ZEB1: variants seen among roughly 807,000 people sequenced by gnomAD.
ZEB1 encodes the protein zinc finger E-box-binding homeobox 1.
ZEB1 carries 21 observed loss-of-function variants against 84.9 expected under a neutral mutation model. The ratio of observed to expected loss-of-function variants is 0.25; its 90% CI spans 0.18 to 0.36. The LOEUF (loss-of-function observed/expected upper bound fraction) is 0.36, where lower values mean the gene tolerates loss of function less well. Among genes scored for constraint, ZEB1 ranks in the 10% least tolerant of loss-of-function variants. ZEB1 has a pLI of 1.00. For missense variants in ZEB1, 1,104 were observed against 1,330.2 expected (o/e 0.83, Z 2.65); for synonymous variants, 420 against 471.1 (o/e 0.89, Z 1.41).
intron 2 of ZEB1, among the ~76,000 whole-genome samples, chr10:31,470,216 C>A (rs1358552895): frequency 6.6e-6 from 1 of 152,032 alleles, no homozygotes; most frequent in Non-Finnish European, 1.5e-5. Context: ...GGACGGAGAA[C>A]GACTTTGACG....
intron 1 of ZEB1, among the ~76,000 whole-genome samples, chr10:31,418,579 G>A (rs1013245235): frequency 6.6e-6 from 1 of 152,068 alleles, no homozygotes; most frequent in Admixed American, 6.6e-5. Flanking sequence ...TGTTGTTTAA[G>A]GTTTATTTTG....
At chr10:31,367,827 G>T (rs1173223536) in intron 1 of ZEB1, among the ~76,000 whole-genome samples, 1 of 151,972 alleles carries the variant, frequency 6.6e-6, no homozygotes, top group Non-Finnish European at 1.5e-5. Context: ...CTTGCTTTTA[G>T]GAAGCCTGTC....
intron 1 of ZEB1, among the ~76,000 whole-genome samples, chr10:31,437,040 G>A (rs187872483): frequency 2.6e-5 from 4 of 152,086 alleles, no homozygotes; most frequent in Non-Finnish European, 5.9e-5. Context: ...AAAACATCAG[G>A]ATTTTTTGGT....
At chr10:31,494,807 A>G (rs2066998117) in intron 2 of ZEB1, among the ~76,000 whole-genome samples, 1 of 152,088 alleles carries the variant, frequency 6.6e-6, no homozygotes, top group East Asian at 1.9e-4. Flanking sequence ...TTGTCCAAAA[A>G]GTATGCATTT....
intron 2 of ZEB1, among the ~76,000 whole-genome samples, chr10:31,464,475 G>A (rs950165965): frequency 6.6e-6 from 1 of 152,178 alleles, no homozygotes; most frequent in South Asian, 2.1e-4. Context: ...AATGGCTGAG[G>A]TTTTTATTTA....
At chr10:31,491,914 C>T (rs1366371174) in intron 2 of ZEB1, among the ~76,000 whole-genome samples, 2 of 151,908 alleles carry the variant, frequency 1.3e-5, no homozygotes, top group Non-Finnish European at 2.9e-5. Context: ...GAAAATGAAA[C>T]TATCTGGAAA....
chr10:31,460,978 G>A (rs2061739325), intron 1 of ZEB1, 59 bp from the exon 2 acceptor site: 1 of 1,372,444 alleles, frequency 7.3e-7, no homozygotes, highest in Non-Finnish European at 1.0e-6. Flanking sequence ...TTTCTGAGAT[G>A]TAAAAACTGA....
Position 31,527,319 on chromosome 10 carries a change from T to C in ZEB1, c.*55T>C. On this transcript the variant is annotated 3_prime_UTR_variant, in exon 9 of 9. Transcript: ENST00000424869. ...ATTGATAATGAATTTCGTTCAATATTATCCTTGCTTTTCATGGAAACACAG... is the reference window on the plus strand; with the variant it reads ...ATTGATAATGAATTTCGTTCAATATCATCCTTGCTTTTCATGGAAACACAG... 1 of 1,547,158 alleles carries C rather than the reference T, an allele frequency of 6.5e-7. No homozygotes were observed. The highest frequency in any genetic ancestry group is 1.4e-5 in the African/African-American group (1 of 73,114).
chr10:31,505,750 T>C (rs1417993616), intron 4 of ZEB1, among the ~76,000 whole-genome samples: 1 of 152,002 alleles, frequency 6.6e-6, no homozygotes, highest in East Asian at 1.9e-4. Context: ...TTTCATTGAT[T>C]TTGTTCTGAT....
chr10:31,484,621 G>A (rs1362240849), intron 2 of ZEB1, among the ~76,000 whole-genome samples: 8 of 151,840 alleles, frequency 5.3e-5, no homozygotes, highest in Non-Finnish European at 1.2e-4. Context: ...TCAGGACTTC[G>A]GATATTTTAC....
In ZEB1 at chr10:31,330,121, C is replaced by T. The variant is rs530517948; in HGVS notation, c.58+10829C>T. 9.4e-4 allele frequency among the ~76,000 whole-genome samples: 143 copies of T among 152,268 alleles called. 2 individuals are homozygous for T. Among genetic ancestry groups the T allele is most frequent in the African/African-American group, 3.4e-3 (140 of 41,558 alleles). ...GAAATCTTTGCCTATTCCAGATCTT[C>T]AGGATTTCTCCCATGTATTTTTAGA... On this transcript the variant is annotated intron_variant, in intron 1 of 8. Coordinates refer to ENST00000424869, the MANE Select transcript of ZEB1 (RefSeq NM_001174096.2).
At chr10:31,469,417 G>A (rs776080136) in intron 2 of ZEB1, among the ~76,000 whole-genome samples, 152 of 152,180 alleles carry the variant, frequency 1.0e-3, no homozygotes, top group Non-Finnish European at 1.7e-3. Flanking sequence ...AAGGGGTCAG[G>A]GAGTTCCCTT....
At chr10:31,432,869 G>C (rs2057883725) in intron 1 of ZEB1, among the ~76,000 whole-genome samples, 1 of 152,152 alleles carries the variant, frequency 6.6e-6, no homozygotes, top group Non-Finnish European at 1.5e-5. Context: ...TGTTTTACAT[G>C]TTTACAAATC....
At chr10:31,432,574 G>A (rs1197598689) in intron 1 of ZEB1, among the ~76,000 whole-genome samples, 2 of 152,100 alleles carry the variant, frequency 1.3e-5, no homozygotes, top group African/African-American at 4.8e-5. Flanking sequence ...GAGCAACAGA[G>A]CGCAATACCC....
intron 1 of ZEB1, among the ~76,000 whole-genome samples, chr10:31,425,319 C>T (rs969931541): frequency 9.9e-5 from 15 of 152,002 alleles, no homozygotes; most frequent in African/African-American, 3.6e-4. Context: ...CCACTGTTCT[C>T]ATGGATTCAG....
chr10:31,464,092 G>A (rs549362912), intron 2 of ZEB1, among the ~76,000 whole-genome samples: 198 of 152,214 alleles, frequency 1.3e-3, no homozygotes, highest in Middle Eastern at 3.4e-3. Context: ...TGAATAGTAG[G>A]AATTTGAAAT....
At chr10:31,461,010 ATTAT>A (rs1417016162) in intron 1 of ZEB1, 23 bp from the exon 2 acceptor site, 3 of 1,590,710 alleles carry the variant, frequency 1.9e-6, no homozygotes, top group South Asian at 1.1e-5. Flanking sequence ...GTTGGTTTTG[ATTAT>A]TTGTTTCTTG....
At chr10:31,458,327 G>A (rs2061467433) in intron 1 of ZEB1, among the ~76,000 whole-genome samples, 1 of 125,950 alleles carries the variant, frequency 7.9e-6, no homozygotes, top group Admixed American at 7.1e-5. Flanking sequence ...GTGTGTGTGT[G>A]TGTGTGTGTT....
At chr10:31,385,043 A>G (rs544309531) in intron 1 of ZEB1, among the ~76,000 whole-genome samples, 2 of 152,294 alleles carry the variant, frequency 1.3e-5, no homozygotes, top group South Asian at 2.1e-4. Flanking sequence ...TTTTGTGTAC[A>G]CTTATTTCTT....
Sources: allele counts gnomAD v4.1 joint callset (sites outside exome capture counted in the v4.1 genomes callset), GRCh38; gene constraint gnomAD v4.1.1; transcripts MANE v1.5; gene names NCBI Gene and HGNC (gene_info 2026-07-23, HGNC 2026-07-21).